The following HFM1 variants were observed in gnomAD, a reference collection of about 807,000 sequenced individuals.
The protein encoded by HFM1 is helicase for meiosis 1.
Under a neutral mutation model 192.1 loss-of-function variants are expected in HFM1, and 169 were observed. That is an observed-to-expected ratio of 0.88 (90% CI 0.78 to 1.00). HFM1 has a LOEUF of 1.00. Ranked by LOEUF, HFM1 falls within the 50% of genes least tolerant of loss-of-function variation. HFM1 has a pLI of 0.00. For missense variants in HFM1, 1,661 were observed against 1,668.0 expected, an observed-to-expected ratio of 1.00 and a Z score of 0.07; for synonymous variants, 525 against 537.8, an observed-to-expected ratio of 0.98 and a Z score of 0.33.
At chr1:91,323,608 G>A (rs1001785571) in intron 21 of HFM1, among the ~76,000 whole-genome samples, 2 of 152,100 alleles carry the variant, frequency 1.3e-5, no homozygotes, top group African/African-American at 4.8e-5. Flanking sequence ...TCTCAATTGA[G>A]GATAATTTAG....
intron 30 of HFM1, among the ~76,000 whole-genome samples, chr1:91,279,386 C>T (rs972923734): frequency 6.6e-6 from 1 of 152,184 alleles, no homozygotes; most frequent in Non-Finnish European, 1.5e-5. Flanking sequence ...CCTGTTACCT[C>T]TCACTTAGAT....
In HFM1 at chr1:91,380,138, T is replaced by C. The variant is rs142765089; in HGVS notation, c.972A>G (p.Val324=). 4.0e-5 allele frequency: 59 copies of C among 1,460,706 alleles called. No individual in the cohort carries two copies. The East Asian group carries it at 1.1e-3, about 28-fold the overall frequency. 90.5% of individuals were successfully genotyped at this position (1,460,706 alleles called of 1,614,324 possible). ...TTTTAATATTCAACCATGGCAATGGTACTTCCATTAACAATCTTGTTATAG... is the reference window on the plus strand; with the variant it reads ...TTTTAATATTCAACCATGGCAATGGCACTTCCATTAACAATCTTGTTATAG... ...ELAITRLLME[V]PLPWLNIKIV... Residue 324 remains valine, a synonymous_variant, in exon 8 of 39, where the codon GTA becomes GTG. Coordinates refer to ENST00000370425, the MANE Select transcript of HFM1 (RefSeq NM_001017975.6).
At chr1:91,283,317 C>G (rs1339121594) in intron 30 of HFM1, among the ~76,000 whole-genome samples, 1 of 152,152 alleles carries the variant, frequency 6.6e-6, no homozygotes, top group Non-Finnish European at 1.5e-5. Flanking sequence ...CATCACGGCT[C>G]ACTGAAACTT....
intron 11 of HFM1, 177 bp downstream of exon 11, chr1:91,377,848 T>G: frequency 6.6e-6 from 4 of 603,218 alleles, no homozygotes; most frequent in Non-Finnish European, 1.2e-5. Context: ...TAAACCTGAT[T>G]AACCAAATTT....
chr1:91,331,103 C>T (rs1353492748), intron 20 of HFM1, among the ~76,000 whole-genome samples: 1 of 152,042 alleles, frequency 6.6e-6, no homozygotes, highest in Non-Finnish European at 1.5e-5. Context: ...CTGTTATTCA[C>T]CATAGTATTG....
intron 30 of HFM1, among the ~76,000 whole-genome samples, chr1:91,293,003 T>C (rs947686060): frequency 6.6e-6 from 1 of 152,138 alleles, no homozygotes; most frequent in African/African-American, 2.4e-5. Flanking sequence ...TAGCCATATG[T>C]AGAAAGCTGA....
intron 13 of HFM1, among the ~76,000 whole-genome samples, chr1:91,359,345 G>A (rs1658185247): frequency 6.6e-6 from 1 of 151,996 alleles, no homozygotes; most frequent in Non-Finnish European, 1.5e-5. Context: ...TGCAAAAAAA[G>A]GTAAGAACCA....
chr1:91,337,653 G>A (rs952761665), intron 20 of HFM1, among the ~76,000 whole-genome samples: 1 of 152,192 alleles, frequency 6.6e-6, no homozygotes, highest in Non-Finnish European at 1.5e-5. Flanking sequence ...CTTGGCTGCA[G>A]CCTCTGTCAC....
Position 91,401,029 on chromosome 1 carries a change from T to C in HFM1, c.54A>G (p.Lys18=), listed in dbSNP as rs1359882115. 6.5e-7 allele frequency: 1 copy of C among 1,541,148 alleles called. No homozygotes were observed. Among genetic ancestry groups the C allele is most frequent in the Admixed American group, 2.0e-5 (1 of 49,196 alleles). Residue 18 remains lysine (K), a synonymous_variant, in exon 2 of 39, where the codon AAA becomes AAG. Transcript: ENST00000370425. ...LFSLENLFFE[K]PDEVENHPDN... ...AGACTTACTTTTCAACTTCATCTGG[T>C]TTTTCAAAAAACAAATTTTCCAAAG...
At chr1:91,286,236 A>G (rs1413815358) in intron 30 of HFM1, among the ~76,000 whole-genome samples, 2 of 152,254 alleles carry the variant, frequency 1.3e-5, no homozygotes, top group East Asian at 3.8e-4. Flanking sequence ...AGATTAGTAT[A>G]TTAGTTTTCT....
intron 1 of HFM1, among the ~76,000 whole-genome samples, chr1:91,401,929 C>T (rs79229212): frequency 4.1e-5 from 6 of 144,984 alleles, no homozygotes; most frequent in Non-Finnish European, 9.2e-5. Flanking sequence ...AAAAAAAAAA[C>T]TAGTCTCTAG....
chr1:91,373,425 A>C (rs1161672394), intron 13 of HFM1, among the ~76,000 whole-genome samples: 4 of 152,154 alleles, frequency 2.6e-5, no homozygotes, highest in Admixed American at 2.6e-4. Flanking sequence ...TAATAAGTTA[A>C]TGTTCATTAC....
intron 11 of HFM1, among the ~76,000 whole-genome samples, chr1:91,376,966 A>G (rs1223301961): frequency 2.0e-5 from 3 of 151,764 alleles, no homozygotes; most frequent in African/African-American, 7.2e-5. Flanking sequence ...TTCACTGTTT[A>G]CAATAGCAAA....
At chr1:91,344,333 A>G (rs1655814145) in intron 19 of HFM1, among the ~76,000 whole-genome samples, 2 of 152,198 alleles carry the variant, frequency 1.3e-5, no homozygotes, top group South Asian at 4.1e-4. Flanking sequence ...TTCTTTGGGA[A>G]ATATTTTAGT....
intron 13 of HFM1, among the ~76,000 whole-genome samples, chr1:91,370,602 G>C (rs1388082905): frequency 1.3e-5 from 2 of 152,036 alleles, no homozygotes; most frequent in Non-Finnish European, 2.9e-5. Flanking sequence ...AAAATAATAA[G>C]AGCTATCTAT....
At chr1:91,326,391 G>A (rs921845127) in intron 20 of HFM1, among the ~76,000 whole-genome samples, 1 of 152,096 alleles carries the variant, frequency 6.6e-6, no homozygotes, top group African/African-American at 2.4e-5. Flanking sequence ...ATAGAATGGA[G>A]CTCCAATGTG....
chr1:91,363,213 C>T (rs1041240109), intron 13 of HFM1, among the ~76,000 whole-genome samples: 1 of 151,888 alleles, frequency 6.6e-6, no homozygotes, highest in Admixed American at 6.6e-5. Flanking sequence ...AGCTTCCATT[C>T]AGCAAAAGAA....
intron 32 of HFM1, 145 bp downstream of exon 32, chr1:91,276,483 A>T: frequency 9.4e-6 from 4 of 425,390 alleles, no homozygotes; most frequent in Non-Finnish European, 1.3e-5. Context: ...AGAAGGGAAG[A>T]TGGATTATGA....
intron 1 of HFM1, among the ~76,000 whole-genome samples, chr1:91,404,060 G>A (rs938425282): frequency 6.6e-6 from 1 of 152,214 alleles, no homozygotes; most frequent in African/African-American, 2.4e-5. Context: ...AACATTTACG[G>A]GAATAACCGA....
Sources: gnomAD v4.1 joint callset for allele counts (sites outside exome capture counted in the v4.1 genomes callset) on GRCh38, gnomAD v4.1.1 for gene constraint, MANE v1.5 for transcripts, NCBI Gene and HGNC (gene_info 2026-07-23, HGNC 2026-07-21) for gene names.